Variants in SCAF1 observed in about 807,000 individuals in gnomAD.
The protein encoded by SCAF1 is splicing factor, arginine/serine-rich 19.
SCAF1 carries 28 observed loss-of-function variants against 91.2 expected under a neutral mutation model. That is an observed-to-expected ratio of 0.31 (90% CI 0.23 to 0.42). The LOEUF is 0.42. SCAF1 is among the 10% of genes least tolerant of loss of function. The pLI, the probability that SCAF1 is intolerant of heterozygous loss-of-function variation, is 1.00. For missense variants in SCAF1, 1,893 were observed against 1,872.1 expected (o/e 1.01, Z -0.21); for synonymous variants, 1,036 against 833.7 (o/e 1.24, Z -4.18).
Position 49,658,149 on chromosome 19 carries a change from C to G in SCAF1, c.3748-59C>G, listed in dbSNP as rs574137219. 16 of 1,555,066 alleles carry G rather than the reference C, an allele frequency of 1.0e-5. No individual in the cohort carries two copies. The Admixed American group carries it at 2.6e-4, about 25-fold the overall frequency. The stretch of plus-strand genomic sequence containing the variant: ...GCAGTTCCAAGCTGCGCCCAACAGT[C>G]CTGGGTGGATGGGGCCCCGGGAGCC... On this transcript the variant is annotated intron_variant, in intron 10 of 10. Transcript: ENST00000360565.
rs975468756 is a variant in SCAF1, at chr19:49,642,512, T to C, written c.-7+270T>C. The C allele has an allele frequency of 1.1e-4, 16 of 152,302 alleles. No individual in the cohort carries two copies. The highest frequency in any genetic ancestry group is 9.2e-4 in the Admixed American group (14 of 15,292). 9.4% of individuals were successfully genotyped at this position (152,302 alleles called of 1,614,324 possible). On this transcript the variant is annotated intron_variant, in intron 1 of 10. Transcript: ENST00000360565. The surrounding 1 kb of genome is among the most constrained non-coding windows in gnomAD (Gnocchi z 4.0). ...GGCGTCTCTGGGCCTAGACCGAGCC[T>C]AAGGCCTGCCCTCCATCACACAGCT...
Position 49,652,000 on chromosome 19 carries a change from G to T in SCAF1, c.1611G>T (p.Ser537=). The change falls in exon 7 of 11, where the codon TCG becomes TCT. Residue 537 remains serine (S), a synonymous_variant. Transcript: ENST00000360565. ...GEAKEAASSS[S]GTQPAPPAPA... ...CCAAGGAGGCCGCCTCGTCCTCGTC[G>T]GGCACCCAGCCAGCGCCGCCCGCCC... 1 of 1,198,144 alleles carries T rather than the reference G, an allele frequency of 8.3e-7. No homozygotes were observed. The highest frequency in any genetic ancestry group is 1.0e-6 in the Non-Finnish European group (1 of 957,176). 74.2% of individuals were successfully genotyped at this position (1,198,144 alleles called of 1,614,324 possible).
chr19:49,657,963 A>ATGGACGCGGATGGGAGACGGGGAGG, intron 10 of SCAF1, 74 bp downstream of exon 10: 5 of 1,533,048 alleles, frequency 3.3e-6, no homozygotes, highest in Non-Finnish European at 4.4e-6. Context: ...GTGCAGACAG[A>ATGGACGCGGATGGGAGACGGGGAGG]TGGACGCGGA....
rs1163404518 is a variant in SCAF1 at position 49,646,479 on chromosome 19, T to C, written c.262-47T>C. The C allele has an allele frequency of 8.5e-6, 13 of 1,537,740 alleles. 1 individual carries two copies. Among genetic ancestry groups the C allele is most frequent in the Non-Finnish European group, 1.1e-5 (12 of 1,111,736 alleles). On this transcript the variant is annotated intron_variant, in intron 4 of 10. Transcript: ENST00000360565. This position sits in a 1 kb window ranked among gnomAD's most constrained non-coding sequence, Gnocchi z 5.6. ...GGAGTGGGGAAGCAGGATTTGCCAG[T>C]CTTCATGTGACCAGGGACGGCGTAG...
intron 9 of SCAF1, among the ~76,000 whole-genome samples, chr19:49,656,180 A>G (rs566687503): frequency 2.0e-5 from 3 of 152,122 alleles, no homozygotes; most frequent in Non-Finnish European, 4.4e-5. Flanking sequence ...CCCCTGGTCT[A>G]CAGTGGCCCT....
Position 49,653,587 on chromosome 19 carries a change from T to C in SCAF1, c.3198T>C (p.Gly1066=), listed in dbSNP as rs2081118929. The change falls in exon 7 of 11, where the codon GGT becomes GGC. Residue 1066 remains glycine, a synonymous_variant. Transcript: ENST00000360565. ...STAPSAGSTA[G]DSGAEDGPAS... Reference sequence around the variant, plus strand: ...CCCCCAGCGCGGGGTCCACAGCCGGTGACTCGGGGGCGGAGGACGGGCCAG... The same window carrying C: ...CCCCCAGCGCGGGGTCCACAGCCGGCGACTCGGGGGCGGAGGACGGGCCAG... The C allele has an allele frequency of 6.3e-7, 1 of 1,586,258 alleles. No homozygotes were observed. Among genetic ancestry groups the C allele is most frequent in the Non-Finnish European group, 8.5e-7 (1 of 1,171,468 alleles).
intron 9 of SCAF1, 37 bp downstream of exon 9, chr19:49,654,907 A>G: frequency 2.1e-6 from 3 of 1,451,830 alleles, no homozygotes; most frequent in Non-Finnish European, 2.8e-6. Flanking sequence ...CGGTGCTGAC[A>G]GTTCTGTAGA....
At chr19:49,644,904 T>TC in intron 1 of SCAF1, 117 bp from the exon 2 acceptor site, 1 of 690,638 alleles carries the variant, frequency 1.4e-6, no homozygotes, top group South Asian at 1.8e-5. Flanking sequence ...AGAGGAGGGG[T>TC]GCCAGAGGGG....
intron 9 of SCAF1, among the ~76,000 whole-genome samples, chr19:49,656,926 G>A (rs1466572909): frequency 2.0e-5 from 3 of 152,208 alleles, no homozygotes; most frequent in Non-Finnish European, 2.9e-5. Context: ...AGGCCGAGGC[G>A]GGTGAATCGC....
At chr19:49,658,116 C>T in intron 10 of SCAF1, 92 bp from the exon 11 acceptor site, 1 of 1,393,008 alleles carries the variant, frequency 7.2e-7, no homozygotes. Context: ...GGGGAAGCTC[C>T]TCCTACCGCA....
Position 49,653,263 on chromosome 19 carries a change from G to T in SCAF1, c.2874G>T (p.Gly958=), listed in dbSNP as rs945734709. The T allele has an allele frequency of 5.4e-6, 8 of 1,483,258 alleles. No homozygotes were observed. The Middle Eastern group carries it at 5.4e-4, about 99-fold the overall frequency. 91.9% of individuals were successfully genotyped at this position (1,483,258 alleles called of 1,614,324 possible). Reference sequence around the variant, plus strand: ...GCAGCCAGGCGGCAGGCACCAAGGGGGCGGAGGAGACTTCCTGGTCCGGGG... The same window carrying T: ...GCAGCCAGGCGGCAGGCACCAAGGGTGCGGAGGAGACTTCCTGGTCCGGGG... The part of the protein sequence containing the change: ...DSCSQAAGTK[G]AEETSWSGEE... Residue 958 remains glycine (G), a synonymous_variant, in exon 7 of 11, where the codon GGG becomes GGT. Coordinates refer to ENST00000360565, the MANE Select transcript of SCAF1 (RefSeq NM_021228.3).
chr19:49,651,184 C>T lies in SCAF1; in HGVS notation c.795C>T (p.Pro265=), dbSNP rs1208594507. ...GSNPSSSAGT[P]SPEEEEEEEE... is the part of the protein sequence containing the mutation. ...ACCCCAGCTCATCAGCGGGGACCCCCTCACCTGAGGAGGAAGAGGAGGAGG... is the reference window on the plus strand; with the variant it reads ...ACCCCAGCTCATCAGCGGGGACCCCTTCACCTGAGGAGGAAGAGGAGGAGG... The change falls in exon 7 of 11, where the codon CCC becomes CCT. Residue 265 remains proline, a synonymous_variant. Transcript: ENST00000360565. The T allele has an allele frequency of 1.9e-6, 3 of 1,613,356 alleles. No individual in the cohort carries two copies. Among genetic ancestry groups the T allele is most frequent in the Non-Finnish European group, 2.5e-6 (3 of 1,179,832 alleles).
Position 49,656,499 on chromosome 19 carries a change from C to T in SCAF1, c.3619-1262C>T, listed in dbSNP as rs149807892. Among the ~76,000 whole-genome samples, 1,386 of 152,292 alleles carry T rather than the reference C, an allele frequency of 9.1e-3. 10 individuals carry two copies. The highest frequency in any genetic ancestry group is 0.017 in the Middle Eastern group (5 of 294). On this transcript the variant is annotated intron_variant, in intron 9 of 10. Transcript: ENST00000360565. The stretch of plus-strand genomic sequence containing the variant: ...GAGGGCAGCTTCTCCAAGGGTGGTG[C>T]CAAGGGACTGTCCCTTGTGCCTGCA...
chr19:49,653,592 CGGG>C lies in SCAF1; in HGVS notation c.3206_3208del (p.Gly1069del). 3.2e-6 allele frequency: 5 copies of C among 1,583,240 alleles called. No individual in the cohort carries two copies. The highest frequency in any genetic ancestry group is 3.4e-6 in the Non-Finnish European group (4 of 1,170,300). ...AGCGCGGGGTCCACAGCCGGTGACT[CGGG>C]GGCGGAGGACGGGCCAGCTTCCCGT... is the stretch of plus-strand genomic sequence containing the variant. On this transcript the variant is annotated inframe_deletion, in exon 7 of 11. Coordinates refer to ENST00000360565, the MANE Select transcript of SCAF1 (RefSeq NM_021228.3).
At chr19:49,657,311 A>G (rs1312057110) in intron 9 of SCAF1, among the ~76,000 whole-genome samples, 2 of 32,308 alleles carry the variant, frequency 6.2e-5, no homozygotes, top group Admixed American at 4.1e-4. Context: ...CACCCCCTCC[A>G]TCCCCTGGGT....
rs762618878 is a variant in SCAF1 at position 49,652,231 on chromosome 19, C to G, written c.1842C>G (p.Ser614=). Reference sequence around the variant, plus strand: ...GGCGACGGCGGCGGCGCTCCGCCTCCCCGCCCCCGGCCACTTCCTCATCGT... The same window carrying G: ...GGCGACGGCGGCGGCGCTCCGCCTCGCCGCCCCCGGCCACTTCCTCATCGT... The part of the protein sequence containing the change: ...EKRRRRRRSA[S]PPPATSSSSS... The change falls in exon 7 of 11, where the codon TCC becomes TCG. Residue 614 remains serine, a synonymous_variant. Coordinates refer to ENST00000360565, the MANE Select transcript of SCAF1 (RefSeq NM_021228.3). 169 of 1,366,438 alleles carry G rather than the reference C, an allele frequency of 1.2e-4. No individual in the cohort carries two copies. The highest frequency in any genetic ancestry group is 2.3e-4 in the Middle Eastern group (1 of 4,392). The allele number at this position is 1,366,438 out of a possible 1,614,324, so 84.6% of individuals were successfully genotyped here.
chr19:49,653,211 C>A lies in SCAF1; in HGVS notation c.2822C>A (p.Ser941Ter). The change falls in exon 7 of 11, where the codon TCG becomes TAG. Residue 941 changes from serine to a stop codon, truncating the protein, a stop_gained. Transcript: ENST00000360565. LOFTEE classifies it high-confidence loss of function. ...GGSGGSGGQV[S>*]LKKSKADSCS... ...AGCGGGGGCAGTGGTGGCCAGGTGT[C>A]GCTGAAGAAGTCCAAGGCGGATAGC... is the stretch of plus-strand genomic sequence containing the variant. 2 of 1,533,890 alleles carry A rather than the reference C, an allele frequency of 1.3e-6. No homozygotes were observed. Among genetic ancestry groups the A allele is most frequent in the Non-Finnish European group, 1.8e-6 (2 of 1,140,964 alleles).
In SCAF1 at chr19:49,652,842, G is replaced by A. The variant is rs753350368; in HGVS notation, c.2453G>A (p.Gly818Asp). 6.2e-7 allele frequency: 1 copy of A among 1,614,056 alleles called. No homozygotes were observed. Among genetic ancestry groups the A allele is most frequent in the Non-Finnish European group, 8.5e-7 (1 of 1,180,004 alleles). Residue 818 changes from glycine (G) to aspartate (D), a missense_variant, in exon 7 of 11, where the codon GGC (glycine) becomes GAC (aspartate). Physicochemically the swap from Gly to Asp is moderately conservative, Grantham distance 94. This residue lies in a region of SCAF1 where 1,436 missense variants were observed against 1,306.8 expected (regional missense o/e 1.10). Transcript: ENST00000360565. ...AAGCCACCAGTCAGCAGCGGCTCAG[G>A]CTCTTCATCCTCGTCGTCCTCCTGT... ...PPKPPVSSGS[G>D]SSSSSSSCSS...
In SCAF1 at chr19:49,652,813, G is replaced by T; in HGVS notation, c.2424G>T (p.Pro808=). ...AGTCGGCGCCTTCCTCAGGGCCCCC[G>T]CCAAAGCCACCAGTCAGCAGCGGCT... ...PKESAPSSGP[P]PKPPVSSGSG... The change falls in exon 7 of 11, where the codon CCG becomes CCT. Residue 808 remains proline (P), a synonymous_variant. Coordinates refer to ENST00000360565, the MANE Select transcript of SCAF1 (RefSeq NM_021228.3). 1 of 1,613,814 alleles carries T rather than the reference G, an allele frequency of 6.2e-7. No individual in the cohort carries two copies. Among genetic ancestry groups the T allele is most frequent in the African/African-American group, 1.3e-5 (1 of 75,022 alleles).
Sources: allele counts gnomAD v4.1 joint callset (sites outside exome capture counted in the v4.1 genomes callset), GRCh38; gene constraint gnomAD v4.1.1; regional missense constraint gnomAD v4.1.1; non-coding constraint Gnocchi (gnomAD v3.1); transcripts MANE v1.5; gene names NCBI Gene and HGNC (gene_info 2026-07-23, HGNC 2026-07-21).